CA10: variants seen among roughly 807,000 people sequenced by gnomAD.
CA10 encodes the protein carbonic anhydrase-related protein 10.
Under a neutral mutation model 44.2 loss-of-function variants are expected in CA10, and 14 were observed. That is an observed-to-expected ratio of 0.32 (90% confidence interval 0.21 to 0.50). The LOEUF is 0.50. Among genes scored for constraint, CA10 ranks in the 20% least tolerant of loss-of-function variants. The pLI, the probability that CA10 is intolerant of heterozygous loss-of-function variation, is 0.99. For synonymous variants in CA10, 159 were observed against 141.6 expected (o/e 1.12, Z -0.87); for missense variants, 350 against 409.7 (o/e 0.85, Z 1.26).
At chr17:52,121,157 A>G (rs1488853490) in intron 1 of CA10, among the ~76,000 whole-genome samples, 1 of 152,176 alleles carries the variant, frequency 6.6e-6, no homozygotes, top group Non-Finnish European at 1.5e-5. Context: ...AGAGTTTTCC[A>G]TATAGCAGAT....
At chr17:52,080,967 C>T (rs977677519) in intron 1 of CA10, among the ~76,000 whole-genome samples, 1 of 152,112 alleles carries the variant, frequency 6.6e-6, no homozygotes, top group Non-Finnish European at 1.5e-5. Context: ...ATTGAGGGTA[C>T]AAAGTTCCTG....
At chr17:51,933,439 G>T (rs891803810) in intron 2 of CA10, among the ~76,000 whole-genome samples, 2 of 152,036 alleles carry the variant, frequency 1.3e-5, no homozygotes, top group Admixed American at 1.3e-4. Context: ...AATGCAGGTG[G>T]CCTCTAGAAG....
At chr17:52,126,382 C>T (rs1245696937) in intron 1 of CA10, among the ~76,000 whole-genome samples, 1 of 152,098 alleles carries the variant, frequency 6.6e-6, no homozygotes, top group Non-Finnish European at 1.5e-5. Flanking sequence ...CAAGAGCCAA[C>T]ACATGAATTT....
intron 3 of CA10, among the ~76,000 whole-genome samples, chr17:51,929,723 A>C (rs771891300): frequency 1.3e-5 from 2 of 152,172 alleles, no homozygotes; most frequent in Non-Finnish European, 2.9e-5. Context: ...TTTAAAGAGA[A>C]ATGTACTTAG....
intron 3 of CA10, among the ~76,000 whole-genome samples, chr17:51,844,448 C>G (rs1338158086): frequency 6.6e-6 from 1 of 152,022 alleles, no homozygotes; most frequent in African/African-American, 2.4e-5. Context: ...GTAAAATATA[C>G]TAATTTTTAA....
At chr17:52,033,468 C>T (rs1986526823) in intron 2 of CA10, among the ~76,000 whole-genome samples, 1 of 152,064 alleles carries the variant, frequency 6.6e-6, no homozygotes, top group Non-Finnish European at 1.5e-5. Flanking sequence ...AAAGAACATT[C>T]ATTGCATATT....
intron 3 of CA10, among the ~76,000 whole-genome samples, chr17:51,792,337 T>C (rs1327043218): frequency 6.6e-6 from 1 of 152,184 alleles, no homozygotes; most frequent in African/African-American, 2.4e-5. Context: ...CAGTAAGCAT[T>C]GAAACAAGAC....
intron 3 of CA10, among the ~76,000 whole-genome samples, chr17:51,929,595 C>G (rs1314867040): frequency 6.6e-6 from 1 of 152,142 alleles, no homozygotes. Flanking sequence ...TCCCCTACAT[C>G]ACCCTCTCCA....
chr17:52,001,750 C>G (rs1238502425), intron 2 of CA10, among the ~76,000 whole-genome samples: 1 of 151,958 alleles, frequency 6.6e-6, no homozygotes, highest in Non-Finnish European at 1.5e-5. Flanking sequence ...AGATATGTAT[C>G]TTCTCAAAAC....
intron 1 of CA10, among the ~76,000 whole-genome samples, chr17:52,080,148 G>A (rs1987929388): frequency 6.6e-6 from 1 of 152,138 alleles, no homozygotes; most frequent in Non-Finnish European, 1.5e-5. Context: ...TGCTTAGCAT[G>A]ATACTATTTT....
intron 4 of CA10, among the ~76,000 whole-genome samples, chr17:51,716,583 G>A (rs143881771): frequency 7.3e-4 from 111 of 152,214 alleles, no homozygotes; most frequent in African/African-American, 2.7e-3. Context: ...GGGTAGCAGG[G>A]CTGCCCCTAA....
chr17:52,036,400 G>A (rs1356569380), intron 2 of CA10, among the ~76,000 whole-genome samples: 1 of 152,148 alleles, frequency 6.6e-6, no homozygotes, highest in Non-Finnish European at 1.5e-5. Flanking sequence ...TTGCAGTATA[G>A]TAGAAGAAAT....
intron 1 of CA10, among the ~76,000 whole-genome samples, chr17:52,076,285 A>G (rs1987817509): frequency 6.6e-6 from 1 of 152,244 alleles, no homozygotes; most frequent in East Asian, 1.9e-4. Flanking sequence ...GATTATCACC[A>G]AAAGCTTCTG....
At chr17:51,822,458 A>G (rs1490620538) in intron 3 of CA10, among the ~76,000 whole-genome samples, 1 of 152,010 alleles carries the variant, frequency 6.6e-6, no homozygotes, top group African/African-American at 2.4e-5. Flanking sequence ...AAAAACAAAC[A>G]AAAAACAAAA....
At chr17:51,794,429 C>T (rs748974771) in intron 3 of CA10, among the ~76,000 whole-genome samples, 9 of 152,170 alleles carry the variant, frequency 5.9e-5, no homozygotes, top group Non-Finnish European at 8.8e-5. Context: ...CGTCATTTTA[C>T]CCCTGGGTTG....
chr17:52,110,746 C>A (rs892138704), intron 1 of CA10, among the ~76,000 whole-genome samples: 1 of 152,168 alleles, frequency 6.6e-6, no homozygotes, highest in Non-Finnish European at 1.5e-5. Context: ...ATCCTCCCCC[C>A]ATTCAAACCC....
intron 2 of CA10, among the ~76,000 whole-genome samples, chr17:51,995,497 T>C (rs962715101): frequency 7.9e-5 from 12 of 152,074 alleles, no homozygotes; most frequent in East Asian, 1.9e-4. Context: ...CATTCAACCA[T>C]TGAGAAAATT....
At chr17:51,946,024 G>C (rs1983259780) in intron 2 of CA10, among the ~76,000 whole-genome samples, 1 of 152,058 alleles carries the variant, frequency 6.6e-6, no homozygotes, top group South Asian at 2.1e-4. Flanking sequence ...GATGAACCTG[G>C]GGGGCGGCTT....
chr17:51,689,057 C>T lies in CA10; in HGVS notation c.466-35321G>A, dbSNP rs111263102. ...AGTAGAGCCAAGATTAAAACCTGGG[C>T]GTTTCAGCTCCCAATGTGGTGCTCT... is the stretch of plus-strand genomic sequence containing the variant. On this transcript the variant is annotated intron_variant, in intron 4 of 8. Transcript: ENST00000451037. 7.7e-3 allele frequency among the ~76,000 whole-genome samples: 1,172 copies of T among 152,244 alleles called. 20 individuals carry two copies. The highest frequency in any genetic ancestry group is 0.027 in the African/African-American group (1,123 of 41,526).
Sources: gnomAD v4.1 joint callset for allele counts (sites outside exome capture counted in the v4.1 genomes callset) on GRCh38, gnomAD v4.1.1 for gene constraint, MANE v1.5 for transcripts, NCBI Gene and HGNC (gene_info 2026-07-23, HGNC 2026-07-21) for gene names.